The following SLC1A1 variants were observed in gnomAD, a reference collection of about 807,000 sequenced individuals.
The protein encoded by SLC1A1 is excitatory amino acid transporter 3.
SLC1A1 carries 43 observed loss-of-function variants against 53.3 expected under a neutral mutation model. That is an observed-to-expected ratio of 0.81 (90% confidence interval 0.63 to 1.04). The LOEUF is 1.04. SLC1A1 is among the 50% of genes least tolerant of loss of function. The pLI is 0.00. For synonymous variants in SLC1A1, 307 were observed against 243.2 expected (o/e 1.26, Z -2.44); for missense variants, 748 against 664.9 (o/e 1.12, Z -1.37).
intron 1 of SLC1A1, among the ~76,000 whole-genome samples, chr9:4,509,186 C>G (rs1273068231): frequency 6.6e-6 from 1 of 151,968 alleles, no homozygotes; most frequent in Non-Finnish European, 1.5e-5. Context: ...AGCATGTAAA[C>G]AAAAAAGCAT....
At chr9:4,496,378 G>A (rs1023563408) in intron 1 of SLC1A1, among the ~76,000 whole-genome samples, 3 of 151,996 alleles carry the variant, frequency 2.0e-5, no homozygotes, top group Admixed American at 1.3e-4. Flanking sequence ...TTAAGATCCA[G>A]AGAGTATTTT....
chr9:4,546,021 T>A (rs1257915869), intron 2 of SLC1A1, among the ~76,000 whole-genome samples: 1 of 152,158 alleles, frequency 6.6e-6, no homozygotes. Context: ...ACTGTAAAGG[T>A]CTGGGACTGG....
At chr9:4,579,952 G>A (rs1371361629) in intron 10 of SLC1A1, among the ~76,000 whole-genome samples, 2 of 152,270 alleles carry the variant, frequency 1.3e-5, no homozygotes, top group East Asian at 3.9e-4. Context: ...CGGAAGCGAT[G>A]GCTCAGACCT....
In SLC1A1 at chr9:4,586,769, G is replaced by C. The variant is rs1370605850; in HGVS notation, c.*1211G>C. 6.6e-6 allele frequency: 1 copy of C among 152,164 alleles called. No individual in the cohort carries two copies. The highest frequency in any genetic ancestry group is 2.4e-5 in the African/African-American group (1 of 41,446). 9.4% of individuals were successfully genotyped at this position (152,164 alleles called of 1,614,324 possible). A position where few individuals can be genotyped will look rare whatever the true frequency, so the allele number is the denominator to read the frequency against. On this transcript the variant is annotated 3_prime_UTR_variant, in exon 12 of 12. Transcript: ENST00000262352. ...AGAAAAAGAGCTTCCCCTAACCTGG[G>C]TTGTTGCAGAGTAAATCCCACGACA...
intron 1 of SLC1A1, among the ~76,000 whole-genome samples, chr9:4,537,277 CGGCCGGGCGCGGTGGCTCACGCCTG>C (rs1816711711): frequency 2.5e-5 from 3 of 119,524 alleles, no homozygotes; most frequent in African/African-American, 3.1e-5. Context: ...AAATCACATG[CGGCCGGGCGCGGTGGCTCACGCCTG>C]TAATCCCAGC....
chr9:4,569,848 A>C (rs558508619), intron 6 of SLC1A1, among the ~76,000 whole-genome samples: 1 of 152,314 alleles, frequency 6.6e-6, no homozygotes, highest in Admixed American at 6.5e-5. Context: ...AGCACCCTCT[A>C]TACCCCAGGC....
At chr9:4,505,997 T>A (rs986495257) in intron 1 of SLC1A1, among the ~76,000 whole-genome samples, 2 of 152,142 alleles carry the variant, frequency 1.3e-5, no homozygotes, top group African/African-American at 4.8e-5. Flanking sequence ...CTAATTTTTG[T>A]ATGTTTTTAG....
At chr9:4,536,145 A>G (rs1318264654) in intron 1 of SLC1A1, among the ~76,000 whole-genome samples, 1 of 152,200 alleles carries the variant, frequency 6.6e-6, no homozygotes, top group Admixed American at 6.5e-5. Flanking sequence ...CAAGGACTTC[A>G]TGTCTAAAAC....
chr9:4,499,852 A>C (rs1820573130), intron 1 of SLC1A1, among the ~76,000 whole-genome samples: 1 of 152,256 alleles, frequency 6.6e-6, no homozygotes, highest in African/African-American at 2.4e-5. Flanking sequence ...AGAAATAAAG[A>C]AAGCTTCAAA....
At chr9:4,494,145 T>G (rs944264450) in intron 1 of SLC1A1, among the ~76,000 whole-genome samples, 14 of 152,186 alleles carry the variant, frequency 9.2e-5, no homozygotes, top group African/African-American at 3.4e-4. Flanking sequence ...CTTATAGGCT[T>G]ATTCTCTGCT....
chr9:4,501,067 C>T (rs956353777), intron 1 of SLC1A1, among the ~76,000 whole-genome samples: 2 of 152,208 alleles, frequency 1.3e-5, no homozygotes, highest in Non-Finnish European at 2.9e-5. Flanking sequence ...TCACCACTCC[C>T]GAGCCCTTTC....
rs1266699358 is a variant in SLC1A1 at position 4,513,512 on chromosome 9, A to G, written c.91+22742A>G. Among the ~76,000 whole-genome samples, 4 of 152,322 alleles carry G rather than the reference A, an allele frequency of 2.6e-5. No homozygotes were observed. In the East Asian group the frequency reaches 7.7e-4, roughly 29 times the overall value. ...ATTAAAACCACAATAAGATGCCAGT[A>G]AATACCTATTAGAGTGGCTAAAAAA... is the stretch of plus-strand genomic sequence containing the variant. On this transcript the variant is annotated intron_variant, in intron 1 of 11. Coordinates refer to ENST00000262352, the MANE Select transcript of SLC1A1 (RefSeq NM_004170.6).
At chr9:4,517,091 A>G (rs1821186119) in intron 1 of SLC1A1, among the ~76,000 whole-genome samples, 1 of 152,204 alleles carries the variant, frequency 6.6e-6, no homozygotes, top group Non-Finnish European at 1.5e-5. Context: ...AGATCAGATG[A>G]TTAAATAAAA....
At chr9:4,514,434 C>G (rs1371634135) in intron 1 of SLC1A1, among the ~76,000 whole-genome samples, 1 of 152,182 alleles carries the variant, frequency 6.6e-6, no homozygotes, top group African/African-American at 2.4e-5. Context: ...ATAACATTCA[C>G]ACGGCCAGCC....
At chr9:4,545,189 G>GTCTCTCTCTCTCCCTC (rs1817373453) in intron 2 of SLC1A1, among the ~76,000 whole-genome samples, 1 of 130,906 alleles carries the variant, frequency 7.6e-6, no homozygotes, top group Non-Finnish European at 1.6e-5. Flanking sequence ...TACATTAGAT[G>GTCTCTCTCTCTCCCTC]TCTCTCTCTC....
intron 1 of SLC1A1, among the ~76,000 whole-genome samples, chr9:4,502,909 A>T (rs1036003348): frequency 6.6e-6 from 1 of 151,580 alleles, no homozygotes. Flanking sequence ...CTTCTCCTAC[A>T]TAAACCTTCT....
chr9:4,532,418 ACAAGCCTCAGTAGC>A (rs1816508065), intron 1 of SLC1A1, among the ~76,000 whole-genome samples: 1 of 152,208 alleles, frequency 6.6e-6, no homozygotes. Context: ...TGACAAATGC[ACAAGCCTCAGTAGC>A]CGATTCAATC....
chr9:4,498,938 T>C (rs1419701728), intron 1 of SLC1A1, among the ~76,000 whole-genome samples: 1 of 146,754 alleles, frequency 6.8e-6, no homozygotes, highest in East Asian at 1.9e-4. Flanking sequence ...GTATGTATTA[T>C]ATACATAATA....
chr9:4,504,427 A>G (rs924434848), intron 1 of SLC1A1, among the ~76,000 whole-genome samples: 1 of 152,244 alleles, frequency 6.6e-6, no homozygotes, highest in African/African-American at 2.4e-5. Flanking sequence ...CTGTTCCAGG[A>G]GACTTTGAAC....
Sources: gnomAD v4.1 joint callset for allele counts (sites outside exome capture counted in the v4.1 genomes callset) on GRCh38, gnomAD v4.1.1 for gene constraint, MANE v1.5 for transcripts, NCBI Gene and HGNC (gene_info 2026-07-23, HGNC 2026-07-21) for gene names.